NR6A1: variants seen among roughly 807,000 people sequenced by gnomAD.
NR6A1 encodes the protein nuclear receptor subfamily 6 group A member 1.
In NR6A1, 7 loss-of-function variants were observed where a neutral mutation model predicts 59.1. The observed-to-expected ratio is 0.12, with a 90% CI of 0.07 to 0.22. The LOEUF is 0.22. Ranked by LOEUF, NR6A1 falls within the 10% of genes least tolerant of loss-of-function variation. NR6A1 has a pLI of 1.00. For synonymous variants in NR6A1, 243 were observed against 236.1 expected (o/e 1.03, Z -0.27); for missense variants, 468 against 611.6 (o/e 0.77, Z 2.48).
chr9:124,531,948 C>T (rs984032511), intron 7 of NR6A1, among the ~76,000 whole-genome samples: 24 of 152,328 alleles, frequency 1.6e-4, no homozygotes, highest in African/African-American at 5.8e-4. Context: ...CCACCATGCT[C>T]CGGTCTTGTC....
intron 2 of NR6A1, among the ~76,000 whole-genome samples, chr9:124,689,747 T>C (rs1200385180): frequency 5.3e-5 from 8 of 152,210 alleles, no homozygotes; most frequent in African/African-American, 1.7e-4. Context: ...CTCTGTCTAG[T>C]AAAAATTCAA....
intron 2 of NR6A1, among the ~76,000 whole-genome samples, chr9:124,703,177 T>C (rs1460721199): frequency 6.6e-6 from 1 of 151,376 alleles, no homozygotes; most frequent in Non-Finnish European, 1.5e-5. Context: ...AGTGCTGAGA[T>C]TACAGGCGTG....
chr9:124,519,883 C>T lies in NR6A1; in HGVS notation c.*2822G>A, dbSNP rs1290658861. On this transcript the variant is annotated 3_prime_UTR_variant, in exon 10 of 10. Coordinates refer to ENST00000487099, the MANE Select transcript of NR6A1 (RefSeq NM_033334.4). ...CACCACTGCACTCCAGCCTGAGCGACAGAGCGAGACTCCGCCTCAAAAAAA... is the reference window on the plus strand; with the variant it reads ...CACCACTGCACTCCAGCCTGAGCGATAGAGCGAGACTCCGCCTCAAAAAAA... 1 of 113,994 alleles carries T rather than the reference C, an allele frequency of 8.8e-6. No homozygotes were observed. The highest frequency in any genetic ancestry group is 2.7e-4 in the East Asian group (1 of 3,718). 7.1% of individuals were successfully genotyped at this position (113,994 alleles called of 1,614,324 possible).
Position 124,526,633 on chromosome 9 carries a change from C to T in NR6A1, c.1201+146G>A, listed in dbSNP as rs375995191. On this transcript the variant is annotated intron_variant, in intron 8 of 9. Coordinates refer to ENST00000487099, the MANE Select transcript of NR6A1 (RefSeq NM_033334.4). ...GGGTCAGGGTGATGACAAGGGGGTG[C>T]ACAAGTCTTCCTGGATTGAAACCCA... The T allele has an allele frequency of 4.1e-6, 5 of 1,205,918 alleles. No individual in the cohort carries two copies. The South Asian group carries it at 4.2e-5, about 10-fold the overall frequency. 74.7% of individuals were successfully genotyped at this position (1,205,918 alleles called of 1,614,324 possible).
intron 2 of NR6A1, among the ~76,000 whole-genome samples, chr9:124,606,985 T>C (rs1835592088): frequency 6.6e-6 from 1 of 152,194 alleles, no homozygotes; most frequent in South Asian, 2.1e-4. Context: ...TTTGTTAGTT[T>C]AACCTTTAAA....
At chr9:124,626,212 G>A in intron 2 of NR6A1, among the ~76,000 whole-genome samples, 1 of 152,114 alleles carries the variant, frequency 6.6e-6, no homozygotes, top group East Asian at 1.9e-4. Context: ...CACCATGCTG[G>A]CCAGGCTGGT....
chr9:124,739,457 G>A (rs927913099), intron 1 of NR6A1, among the ~76,000 whole-genome samples: 4 of 152,146 alleles, frequency 2.6e-5, no homozygotes, highest in African/African-American at 4.8e-5. Flanking sequence ...CCAAATAGGC[G>A]TTTTGTTTGC....
intron 2 of NR6A1, among the ~76,000 whole-genome samples, chr9:124,635,733 T>C (rs1397949107): frequency 6.6e-6 from 1 of 152,220 alleles, no homozygotes; most frequent in East Asian, 1.9e-4. Flanking sequence ...TGATTTTCCA[T>C]TGTCAGGATA....
At chr9:124,618,822 A>G (rs769865741) in intron 2 of NR6A1, among the ~76,000 whole-genome samples, 4 of 152,262 alleles carry the variant, frequency 2.6e-5, no homozygotes, top group Non-Finnish European at 4.4e-5. Flanking sequence ...TACAGTCATA[A>G]TAAATAATAC....
chr9:124,679,211 T>C (rs985041988), intron 2 of NR6A1, among the ~76,000 whole-genome samples: 1 of 152,192 alleles, frequency 6.6e-6, no homozygotes, highest in African/African-American at 2.4e-5. Flanking sequence ...TGTACAAAAA[T>C]AGAGCAATTT....
At chr9:124,524,945 A>C in intron 8 of NR6A1, 72 bp from the exon 9 acceptor site, 1 of 1,483,944 alleles carries the variant, frequency 6.7e-7, no homozygotes, top group Non-Finnish European at 9.0e-7. Context: ...AAGAAACACC[A>C]GCTCCTTAAA....
intron 2 of NR6A1, among the ~76,000 whole-genome samples, chr9:124,670,678 G>A (rs1157770385): frequency 6.6e-6 from 1 of 152,156 alleles, no homozygotes; most frequent in East Asian, 1.9e-4. Context: ...ATGAAACAAA[G>A]GGTGTGTTTA....
At chr9:124,761,999 T>A (rs1294539999) in intron 1 of NR6A1, among the ~76,000 whole-genome samples, 3 of 152,224 alleles carry the variant, frequency 2.0e-5, no homozygotes, top group African/African-American at 7.2e-5. Context: ...TATGAACTCA[T>A]TTTCAATAAA....
chr9:124,683,269 AAAGAC>A (rs1838230740), intron 2 of NR6A1, among the ~76,000 whole-genome samples: 1 of 151,230 alleles, frequency 6.6e-6, no homozygotes. Flanking sequence ...AGGAAAAGGA[AAAGAC>A]AAGACAAAAC....
intron 2 of NR6A1, among the ~76,000 whole-genome samples, chr9:124,626,182 T>C (rs891126293): frequency 6.6e-6 from 1 of 152,164 alleles, no homozygotes; most frequent in Non-Finnish European, 1.5e-5. Context: ...ATTTTTGTAT[T>C]TTCCGTAGAG....
At chr9:124,565,465 A>G (rs1026575137) in intron 2 of NR6A1, among the ~76,000 whole-genome samples, 1 of 152,202 alleles carries the variant, frequency 6.6e-6, no homozygotes, top group Non-Finnish European at 1.5e-5. Context: ...AATTAAAAAA[A>G]AAGTCAGAAG....
At chr9:124,648,835 G>C (rs1055403681) in intron 2 of NR6A1, among the ~76,000 whole-genome samples, 2 of 151,358 alleles carry the variant, frequency 1.3e-5, no homozygotes, top group Non-Finnish European at 2.9e-5. Context: ...AATCAGGAAA[G>C]CAATCCCACT....
At chr9:124,642,303 G>C (rs945149954) in intron 2 of NR6A1, among the ~76,000 whole-genome samples, 1 of 152,204 alleles carries the variant, frequency 6.6e-6, no homozygotes, top group Admixed American at 6.5e-5. Flanking sequence ...GCCCACCTTG[G>C]CCTCCCAAAG....
chr9:124,717,184 T>C (rs1839434544), intron 2 of NR6A1, among the ~76,000 whole-genome samples: 1 of 152,198 alleles, frequency 6.6e-6, no homozygotes, highest in African/African-American at 2.4e-5. Context: ...GGAAATCTGT[T>C]CGGAAATTTC....
Sources: allele counts gnomAD v4.1 joint callset (sites outside exome capture counted in the v4.1 genomes callset), GRCh38; gene constraint gnomAD v4.1.1; transcripts MANE v1.5; gene names NCBI Gene and HGNC (gene_info 2026-07-23, HGNC 2026-07-21).